ULK1: variants seen among roughly 807,000 people sequenced by gnomAD.
The protein encoded by ULK1 is unc-51 like autophagy activating kinase 1.
A neutral mutation model predicts 117.5 loss-of-function variants in ULK1; 48 were observed. That is an observed-to-expected ratio of 0.41 (90% CI 0.32 to 0.52). The LOEUF (loss-of-function observed/expected upper bound fraction) is 0.52. Ranked by LOEUF, ULK1 falls within the 20% of genes least tolerant of loss-of-function variation. The probability of loss-of-function intolerance (pLI) is 0.29; values close to 1 mark genes in which losing one functional copy is unlikely to be tolerated. For missense variants in ULK1, 1,387 were observed against 1,473.4 expected, an observed-to-expected ratio of 0.94 and a Z score of 0.96; for synonymous variants, 790 against 637.8, an observed-to-expected ratio of 1.24 and a Z score of -3.60.
In ULK1 at chr12:131,915,220, C is replaced by T. The variant is rs993810989; in HGVS notation, c.1511C>T (p.Pro504Leu). ...MSLGGGRPYT[P>L]SPQVGTIPER... ...CTGGGTGGAGGCCGGCCCTACACGC[C>T]ATCTCCTCAAGGTGCGCCTGCAGGC... The change falls in exon 17 of 28, where the codon CCA becomes CTA. Residue 504 changes from proline (P) to leucine (L), a missense_variant. Transcript: ENST00000321867. The T allele has an allele frequency of 5.6e-6, 9 of 1,601,820 alleles. No individual in the cohort carries two copies. Among genetic ancestry groups the T allele is most frequent in the Non-Finnish European group, 7.7e-6 (9 of 1,174,744 alleles).
At chr12:131,898,121 T>C (rs1305217851) in intron 3 of ULK1, 1 of 152,128 alleles carries the variant, frequency 6.6e-6, no homozygotes. Flanking sequence ...TGCTCTCGGG[T>C]TGGAGGAGCC....
intron 3 of ULK1, among the ~76,000 whole-genome samples, chr12:131,900,843 A>C (rs1307855451): frequency 1.3e-5 from 2 of 151,766 alleles, no homozygotes; most frequent in African/African-American, 4.8e-5. Context: ...TGAGACTGTA[A>C]CTCCCCATCC....
Position 131,895,711 on chromosome 12 carries a change from G to A in ULK1, c.204+18G>A, listed in dbSNP as rs1888837997. On this transcript the variant is annotated intron_variant, in intron 2 of 27. Coordinates refer to ENST00000321867, the MANE Select transcript of ULK1 (RefSeq NM_003565.4). ...TCCTGAAGGTGAGCCAGTGCTGGGG[G>A]AGGGGGCGTGGGCGTGGGCGTGGGC... The A allele has an allele frequency of 2.5e-6, 4 of 1,614,118 alleles. No individual in the cohort carries two copies. In the East Asian group the frequency reaches 8.9e-5, roughly 36 times the overall value.
chr12:131,909,786 C>A lies in ULK1; in HGVS notation c.678C>A (p.Pro226=), dbSNP rs760603432. 2 of 1,609,070 alleles carry A rather than the reference C, an allele frequency of 1.2e-6. No homozygotes were observed. Among genetic ancestry groups the A allele is most frequent in the African/African-American group, 2.7e-5 (2 of 74,816 alleles). ...CCCCGTCCCCGCAGGCCAGCAGCCC[C>A]CAGGACCTGCGCCTGTTCTACGAGA... The part of the protein sequence containing the change: ...TGKAPFQASS[P]QDLRLFYEKN... The change falls in exon 9 of 28, where the codon CCC becomes CCA. Residue 226 remains proline (P), a synonymous_variant. Coordinates refer to ENST00000321867, the MANE Select transcript of ULK1 (RefSeq NM_003565.4).
At chr12:131,906,251 G>A (rs534691695) in intron 3 of ULK1, among the ~76,000 whole-genome samples, 3 of 152,218 alleles carry the variant, frequency 2.0e-5, no homozygotes, top group South Asian at 4.1e-4. Context: ...GCACCACCAC[G>A]CCTGGCTAAT....
rs761681425 is a variant in ULK1 at position 131,915,102 on chromosome 12, T to C, written c.1393T>C (p.Ser465Pro). 6.4e-7 allele frequency: 1 copy of C among 1,559,980 alleles called. No homozygotes were observed. Among genetic ancestry groups the C allele is most frequent in the Non-Finnish European group, 8.7e-7 (1 of 1,154,280 alleles). Residue 465 changes from serine to proline, a missense_variant, in exon 17 of 28, where the codon TCA (serine) becomes CCA (proline). Coordinates refer to ENST00000321867, the MANE Select transcript of ULK1 (RefSeq NM_003565.4). ...QTPRSSAIRRSGSTSPLGFAR... is the reference protein window; with the variant it reads ...QTPRSSAIRRPGSTSPLGFAR... ...CTTCAGGTCCTCTGCCATCCGCAGG[T>C]CAGGCAGCACCAGCCCCCTGGGCTT...
chr12:131,895,938 G>T (rs1593255946), intron 3 of ULK1, 114 bp downstream of exon 3: 1 of 1,367,158 alleles, frequency 7.3e-7, no homozygotes, highest in East Asian at 2.3e-5. Context: ...GGTCTACTGG[G>T]CCCCTGGAGA....
At chr12:131,919,701 A>G in intron 25 of ULK1, 111 bp downstream of exon 25, 1 of 1,299,582 alleles carries the variant, frequency 7.7e-7, no homozygotes, top group Non-Finnish European at 1.1e-6. Context: ...CCCTGTGCAG[A>G]GGTGCAGAGG....
At chr12:131,910,433 G>A in intron 11 of ULK1, 129 bp downstream of exon 11, 1 of 1,428,118 alleles carries the variant, frequency 7.0e-7, no homozygotes, top group Non-Finnish European at 9.8e-7. Flanking sequence ...CCCAGGGAGG[G>A]CAGGACACCC....
intron 12 of ULK1, 85 bp downstream of exon 12, chr12:131,910,885 C>T (rs1242555079): frequency 3.3e-5 from 52 of 1,566,588 alleles, no homozygotes; most frequent in Non-Finnish European, 4.3e-5. Context: ...CGGGGACGTG[C>T]TGTGACTTCT....
At chr12:131,919,899 G>A (rs530613667) in intron 25 of ULK1, 80 bp from the exon 26 acceptor site, 14 of 1,549,288 alleles carry the variant, frequency 9.0e-6, no homozygotes, top group Non-Finnish European at 1.1e-5. Flanking sequence ...TGCTCGCTCA[G>A]TGCACCGGGC....
chr12:131,921,798 C>T lies in ULK1; in HGVS notation c.*437C>T. The stretch of plus-strand genomic sequence containing the variant: ...CGTCCCCCAGTCTCCAGGAGCCTCT[C>T]CCTCCGAGATACCCACCCAGCTTTG... On this transcript the variant is annotated 3_prime_UTR_variant, in exon 28 of 28. Transcript: ENST00000321867. 8.0e-6 allele frequency: 4 copies of T among 496,912 alleles called. No homozygotes were observed. In the Middle Eastern group the frequency reaches 1.2e-3, roughly 150 times the overall value. The allele number at this position is 496,912 out of a possible 1,614,324, so 30.8% of individuals were successfully genotyped here. A position where few individuals can be genotyped will look rare whatever the true frequency, so the allele number is the denominator to read the frequency against.
At chr12:131,918,821 T>TC (rs1889995652) in intron 23 of ULK1, 140 bp downstream of exon 23, 5 of 293,104 alleles carry the variant, frequency 1.7e-5, no homozygotes, top group South Asian at 1.1e-4. Flanking sequence ...GTGTGGGGTG[T>TC]AGAGTGTGTG....
intron 11 of ULK1, 92 bp downstream of exon 11, chr12:131,910,396 GGAGCAGGTCTT>G (rs1889481480): frequency 1.9e-6 from 3 of 1,562,880 alleles, no homozygotes; most frequent in Non-Finnish European, 2.6e-6. Context: ...TGGGGCAGAG[GGAGCAGGTCTT>G]GAGCTGCGGC....
intron 3 of ULK1, among the ~76,000 whole-genome samples, chr12:131,900,381 G>T (rs75495750): frequency 0.11 from 16,395 of 152,194 alleles, 1,544 homozygotes; most frequent in East Asian, 0.55. Context: ...ATACAAAATT[G>T]TGAAAATGTG....
At chr12:131,909,658 C>CCCCCGGGCTT in intron 8 of ULK1, 117 bp from the exon 9 acceptor site, 1 of 1,109,112 alleles carries the variant, frequency 9.0e-7, no homozygotes, top group Non-Finnish European at 1.2e-6. Flanking sequence ...CACCCGGTTT[C>CCCCCGGGCTT]CCCCGGGCTT....
intron 18 of ULK1, 59 bp from the exon 19 acceptor site, chr12:131,915,832 T>G: frequency 6.3e-7 from 1 of 1,593,910 alleles, no homozygotes; most frequent in South Asian, 1.1e-5. Context: ...GTGGTAGCAG[T>G]GGGGCCTAGG....
In ULK1 at chr12:131,895,133, G is replaced by A. The variant is rs746850226; in HGVS notation, c.111+21G>A. On this transcript the variant is annotated intron_variant, in intron 1 of 27. Coordinates refer to ENST00000321867, the MANE Select transcript of ULK1 (RefSeq NM_003565.4). ...GCGAGGTGAGGCCCCCGTCCGGCCC[G>A]GGATCCCCCGCCCAGGATCCCCTGC... The A allele has an allele frequency of 2.4e-5, 36 of 1,486,200 alleles. 2 individuals carry two copies. In the South Asian group the frequency reaches 4.0e-4, roughly 17 times the overall value. 92.1% of individuals were successfully genotyped at this position (1,486,200 alleles called of 1,614,324 possible).
chr12:131,909,934 C>T lies in ULK1; in HGVS notation c.741C>T (p.Thr247=). ...CTTGCCCCAGCATCCCCCGGGAGAC[C>T]TCGGCCCCGCTGCGGCAGCTGCTCC... The part of the protein sequence containing the change: ...KTLVPTIPRE[T]SAPLRQLLLA... The change falls in exon 10 of 28, where the codon ACC becomes ACT. Residue 247 remains threonine, a synonymous_variant. Transcript: ENST00000321867. 1.9e-6 allele frequency: 3 copies of T among 1,612,054 alleles called. No homozygotes were observed. The highest frequency in any genetic ancestry group is 2.5e-6 in the Non-Finnish European group (3 of 1,179,802).
Sources: gnomAD v4.1 joint callset for allele counts (sites outside exome capture counted in the v4.1 genomes callset) on GRCh38, gnomAD v4.1.1 for gene constraint, MANE v1.5 for transcripts, NCBI Gene and HGNC (gene_info 2026-07-23, HGNC 2026-07-21) for gene names.